RPS6KC1: variants seen among roughly 807,000 people sequenced by gnomAD.
RPS6KC1 encodes the protein inactive ribosomal protein S6 kinase delta-1.
In RPS6KC1, 54 loss-of-function variants were observed where a neutral mutation model predicts 103.8. That is an observed-to-expected ratio of 0.52 (90% CI 0.42 to 0.65). The LOEUF is 0.65. Among genes scored for constraint, RPS6KC1 ranks in the 30% least tolerant of loss-of-function variants. RPS6KC1 has a pLI of 0.00. For synonymous variants in RPS6KC1, 439 were observed against 438.7 expected, an observed-to-expected ratio of 1.00 and a Z score of -0.01; for missense variants, 1,151 against 1,253.8, an observed-to-expected ratio of 0.92 and a Z score of 1.24.
the RPS6KC1 span, among the ~76,000 whole-genome samples, chr1:213,462,762 C>G: frequency 6.6e-6 from 1 of 152,098 alleles, no homozygotes; most frequent in African/African-American, 2.4e-5. Context: ...GGGTGGTTGA[C>G]TAGGGGAGGG....
At chr1:213,178,075 C>T (rs1230530426) in intron 8 of RPS6KC1, among the ~76,000 whole-genome samples, 1 of 151,442 alleles carries the variant, frequency 6.6e-6, no homozygotes, top group Non-Finnish European at 1.5e-5. Context: ...GTCCCAGCTG[C>T]TCGGGAGGCT....
chr1:213,424,129 T>C, the RPS6KC1 span, among the ~76,000 whole-genome samples: 3 of 152,204 alleles, frequency 2.0e-5, no homozygotes, highest in Non-Finnish European at 2.9e-5. Context: ...CCATTTCCAT[T>C]GTGCCTCTGT....
At chr1:213,438,629 A>T in the RPS6KC1 span, among the ~76,000 whole-genome samples, 1 of 151,862 alleles carries the variant, frequency 6.6e-6, no homozygotes, top group Non-Finnish European at 1.5e-5. Context: ...AGCTTACAAA[A>T]TTTTTTCTTG....
chr1:213,287,915 C>T, the RPS6KC1 span, among the ~76,000 whole-genome samples: 2 of 152,160 alleles, frequency 1.3e-5, no homozygotes, highest in Admixed American at 6.5e-5. Context: ...CCCACATTAA[C>T]AAAAGTTCAA....
chr1:213,071,820 A>T (rs2078908863), intron 2 of RPS6KC1, among the ~76,000 whole-genome samples: 1 of 149,264 alleles, frequency 6.7e-6, no homozygotes, highest in Non-Finnish European at 1.5e-5. Flanking sequence ...TTTTTTTTAA[A>T]CTTTAAGTTA....
the RPS6KC1 span, among the ~76,000 whole-genome samples, chr1:213,425,114 T>C: frequency 6.6e-6 from 1 of 151,892 alleles, no homozygotes; most frequent in African/African-American, 2.4e-5. Flanking sequence ...CGCTCACCCA[T>C]TACCTACACA....
the RPS6KC1 span, among the ~76,000 whole-genome samples, chr1:213,763,922 T>C: frequency 2.0e-5 from 3 of 152,224 alleles, no homozygotes; most frequent in Admixed American, 6.5e-5. Flanking sequence ...CATTTTGCTC[T>C]CCTTGCTGGA....
chr1:213,861,352 C>T, the RPS6KC1 span, among the ~76,000 whole-genome samples: 1 of 152,138 alleles, frequency 6.6e-6, no homozygotes, highest in African/African-American at 2.4e-5. Flanking sequence ...GCCCCCACAC[C>T]TTATCACCGC....
At chr1:213,409,383 C>T in the RPS6KC1 span, among the ~76,000 whole-genome samples, 1 of 151,952 alleles carries the variant, frequency 6.6e-6, no homozygotes, top group Non-Finnish European at 1.5e-5. Context: ...GCCAGGTATG[C>T]CTTTTCAGAG....
At chr1:213,710,505 T>C in the RPS6KC1 span, among the ~76,000 whole-genome samples, 1 of 152,184 alleles carries the variant, frequency 6.6e-6, no homozygotes, top group Admixed American at 6.5e-5. Flanking sequence ...GGGCATTTAG[T>C]CCATTTGCAT....
At chr1:213,144,841 C>T (rs1429076458) in intron 6 of RPS6KC1, among the ~76,000 whole-genome samples, 3 of 152,030 alleles carry the variant, frequency 2.0e-5, no homozygotes, top group African/African-American at 7.2e-5. Context: ...TTTTGGGAGG[C>T]TGAGGCAGGC....
At chr1:213,686,995 G>T in the RPS6KC1 span, among the ~76,000 whole-genome samples, 1 of 150,130 alleles carries the variant, frequency 6.7e-6, no homozygotes, top group African/African-American at 2.5e-5. Flanking sequence ...TGCTGGTGGG[G>T]GTGTCTTTTA....
At chr1:213,784,357 C>T in the RPS6KC1 span, among the ~76,000 whole-genome samples, 1 of 152,182 alleles carries the variant, frequency 6.6e-6, no homozygotes, top group Admixed American at 6.5e-5. Context: ...TGAAGTTGGT[C>T]AAAGCCACAA....
At chr1:213,743,771 C>T in the RPS6KC1 span, among the ~76,000 whole-genome samples, 1 of 152,144 alleles carries the variant, frequency 6.6e-6, no homozygotes, top group Admixed American at 6.5e-5. Flanking sequence ...TCAATTAAAA[C>T]CTCCCTGGAA....
At chr1:213,662,329 A>G in the RPS6KC1 span, among the ~76,000 whole-genome samples, 14 of 151,980 alleles carry the variant, frequency 9.2e-5, no homozygotes, top group Admixed American at 3.3e-4. Flanking sequence ...GTGCAGTGGC[A>G]TGATCTCCTG....
At chr1:213,791,741 G>T in the RPS6KC1 span, among the ~76,000 whole-genome samples, 4 of 152,142 alleles carry the variant, frequency 2.6e-5, no homozygotes, top group African/African-American at 4.8e-5. Flanking sequence ...ATCCCTATGA[G>T]GTTTGATGGC....
the RPS6KC1 span, among the ~76,000 whole-genome samples, chr1:213,750,275 A>G: frequency 6.6e-6 from 1 of 152,184 alleles, no homozygotes; most frequent in Non-Finnish European, 1.5e-5. Flanking sequence ...ACATCTTCTG[A>G]ATCTTCTGTC....
chr1:213,286,031 A>C, the RPS6KC1 span, among the ~76,000 whole-genome samples: 1 of 152,234 alleles, frequency 6.6e-6, no homozygotes, highest in Non-Finnish European at 1.5e-5. Flanking sequence ...GACGTGGGAC[A>C]AAACAGATAA....
At chr1:213,610,131 C>T in the RPS6KC1 span, among the ~76,000 whole-genome samples, 1 of 152,132 alleles carries the variant, frequency 6.6e-6, no homozygotes, top group African/African-American at 2.4e-5. Context: ...TCATTGTTCA[C>T]ATGATAAGCA....
Sources: allele counts gnomAD v4.1 joint callset (sites outside exome capture counted in the v4.1 genomes callset), GRCh38; gene constraint gnomAD v4.1.1; transcripts MANE v1.5; gene names NCBI Gene and HGNC (gene_info 2026-07-23, HGNC 2026-07-21).